The following PBX3 variants were observed in gnomAD, a reference collection of about 807,000 sequenced individuals.
PBX3 encodes pre-B-cell leukemia transcription factor 3.
Under a neutral mutation model 48.5 loss-of-function variants are expected in PBX3, and 14 were observed. The observed-to-expected ratio is 0.29, with a 90% CI of 0.19 to 0.45. The LOEUF (loss-of-function observed/expected upper bound fraction) is 0.45, where lower values mean the gene tolerates loss of function less well. PBX3 is among the 20% of genes least tolerant of loss of function. The probability of loss-of-function intolerance (pLI) is 1.00; values close to 1 mark genes in which losing one functional copy is unlikely to be tolerated. For synonymous variants in PBX3, 210 were observed against 200.3 expected (o/e 1.05, Z -0.41); for missense variants, 386 against 546.7 (o/e 0.71, Z 2.93).
intron 2 of PBX3, among the ~76,000 whole-genome samples, chr9:125,830,902 C>A (rs552820709): frequency 3.6e-4 from 54 of 151,602 alleles, no homozygotes; most frequent in African/African-American, 1.1e-3. Context: ...TATAAAATTT[C>A]CCCCAAATTC....
rs577535336 is a variant in PBX3, at chr9:125,785,913, T to G, written c.274+37290T>G. On this transcript the variant is annotated intron_variant, in intron 2 of 8. Coordinates refer to ENST00000373489, the MANE Select transcript of PBX3 (RefSeq NM_006195.6). ...AGGGAAAGTAAAAATGTCACAAGAC[T>G]CTCATTTTAAAGGTGACTGTTTAAA... Among the ~76,000 whole-genome samples the G allele has an allele frequency of 2.0e-5, 3 of 151,566 alleles. No individual in the cohort carries two copies. The South Asian group carries it at 6.2e-4, about 32-fold the overall frequency.
At chr9:125,836,343 C>G (rs1043328096) in intron 2 of PBX3, among the ~76,000 whole-genome samples, 5 of 151,938 alleles carry the variant, frequency 3.3e-5, no homozygotes, top group African/African-American at 7.2e-5. Context: ...TACTTGGGAG[C>G]CTGAGGCAGG....
chr9:125,944,842 C>G (rs888044196), intron 5 of PBX3, among the ~76,000 whole-genome samples: 1 of 152,298 alleles, frequency 6.6e-6, no homozygotes, highest in Non-Finnish European at 1.5e-5. Flanking sequence ...AACCCCAACT[C>G]CTCCCCAGTT....
intron 2 of PBX3, among the ~76,000 whole-genome samples, chr9:125,784,604 G>C (rs1395901181): frequency 6.6e-6 from 1 of 152,152 alleles, no homozygotes; most frequent in Non-Finnish European, 1.5e-5. Context: ...TGTTTGTCAT[G>C]TGTGGTTTCT....
intron 2 of PBX3, among the ~76,000 whole-genome samples, chr9:125,820,686 G>A (rs556622382): frequency 2.6e-5 from 4 of 152,296 alleles, no homozygotes; most frequent in South Asian, 2.1e-4. Flanking sequence ...TGCCTGATAC[G>A]AAGCACCTAG....
At chr9:125,881,700 A>G (rs1840385802) in intron 2 of PBX3, among the ~76,000 whole-genome samples, 1 of 152,226 alleles carries the variant, frequency 6.6e-6, no homozygotes, top group African/African-American at 2.4e-5. Flanking sequence ...TAGCTCCTGC[A>G]TCTTGGAACT....
intron 2 of PBX3, among the ~76,000 whole-genome samples, chr9:125,764,901 T>C (rs1294426075): frequency 2.6e-5 from 4 of 152,228 alleles, no homozygotes; most frequent in East Asian, 3.8e-4. Flanking sequence ...TGTCTAGATA[T>C]TCTGTTACCT....
intron 2 of PBX3, among the ~76,000 whole-genome samples, chr9:125,907,137 A>G (rs762105196): frequency 5.3e-5 from 8 of 152,044 alleles, no homozygotes; most frequent in Non-Finnish European, 1.2e-4. Context: ...GAGTAAAAGT[A>G]ACACAAAAGA....
intron 2 of PBX3, among the ~76,000 whole-genome samples, chr9:125,822,593 C>T (rs1423816489): frequency 4.6e-5 from 7 of 151,928 alleles, no homozygotes; most frequent in African/African-American, 1.5e-4. Flanking sequence ...CTGAGCATAC[C>T]GTTTATTCAG....
At chr9:125,930,884 C>T (rs12554571) in intron 4 of PBX3, among the ~76,000 whole-genome samples, 59 of 152,276 alleles carry the variant, frequency 3.9e-4, no homozygotes, top group Admixed American at 2.2e-3. Context: ...TTCCAATGCT[C>T]GATACATGCA....
At chr9:125,812,206 C>G (rs1324809062) in intron 2 of PBX3, among the ~76,000 whole-genome samples, 1 of 152,136 alleles carries the variant, frequency 6.6e-6, no homozygotes, top group Non-Finnish European at 1.5e-5. Flanking sequence ...CCTAAACATA[C>G]CAAGACACCT....
At chr9:125,947,017 A>G (rs1345373148) in intron 5 of PBX3, among the ~76,000 whole-genome samples, 2 of 152,190 alleles carry the variant, frequency 1.3e-5, no homozygotes, top group East Asian at 1.9e-4. Context: ...ACATAATACA[A>G]TGGAGTGATA....
rs1841324724 is a variant in PBX3 at position 125,916,027 on chromosome 9, C to T, written c.516+100C>T. On this transcript the variant is annotated intron_variant, in intron 3 of 8. Coordinates refer to ENST00000373489, the MANE Select transcript of PBX3 (RefSeq NM_006195.6). Reference sequence around the variant, plus strand: ...GAGGGCTGTGAGGGGTAGGTGTTAACACAAATTACAAAATAAATAAGGTCA... The same window carrying T: ...GAGGGCTGTGAGGGGTAGGTGTTAATACAAATTACAAAATAAATAAGGTCA... The T allele has an allele frequency of 3.4e-6, 5 of 1,454,138 alleles. No homozygotes were observed. In the Admixed American group the frequency reaches 6.7e-5, roughly 19 times the overall value. The allele number at this position is 1,454,138 out of a possible 1,614,324, so 90.1% of individuals were successfully genotyped here.
At chr9:125,901,671 C>A (rs1030957611) in intron 2 of PBX3, among the ~76,000 whole-genome samples, 1 of 151,712 alleles carries the variant, frequency 6.6e-6, no homozygotes, top group Admixed American at 6.6e-5. Flanking sequence ...ATTGAACCAA[C>A]TAACCAGTTA....
chr9:125,784,044 C>T (rs1232226831), intron 2 of PBX3, among the ~76,000 whole-genome samples: 1 of 152,132 alleles, frequency 6.6e-6, no homozygotes, highest in Non-Finnish European at 1.5e-5. Context: ...TCTAGCAAGT[C>T]CAATATCTGT....
chr9:125,855,236 A>G (rs901479159), intron 2 of PBX3, among the ~76,000 whole-genome samples: 14 of 152,206 alleles, frequency 9.2e-5, no homozygotes, highest in African/African-American at 3.1e-4. Flanking sequence ...GTTGAGAATC[A>G]GTCCAAGAAT....
chr9:125,953,818 T>G (rs967664011), intron 5 of PBX3, among the ~76,000 whole-genome samples: 1 of 152,144 alleles, frequency 6.6e-6, no homozygotes, highest in African/African-American at 2.4e-5. Context: ...TGTGCTCACA[T>G]AGAGAAGTTA....
At chr9:125,879,293 G>A (rs1840328042) in intron 2 of PBX3, among the ~76,000 whole-genome samples, 1 of 151,954 alleles carries the variant, frequency 6.6e-6, no homozygotes, top group Non-Finnish European at 1.5e-5. Context: ...TGGCCAACCT[G>A]ATCTCGATCG....
chr9:125,751,487 C>A (rs964378781), intron 2 of PBX3, among the ~76,000 whole-genome samples: 1 of 152,132 alleles, frequency 6.6e-6, no homozygotes, highest in Non-Finnish European at 1.5e-5. Flanking sequence ...AATGGGTAAT[C>A]TACTACAATT....
Sources: allele counts gnomAD v4.1 joint callset (sites outside exome capture counted in the v4.1 genomes callset), GRCh38; gene constraint gnomAD v4.1.1; transcripts MANE v1.5; gene names NCBI Gene and HGNC (gene_info 2026-07-23, HGNC 2026-07-21).